P2RX5: variants seen among roughly 807,000 people sequenced by gnomAD.
P2RX5 encodes P2X purinoceptor 5.
Under a neutral mutation model 54.1 loss-of-function variants are expected in P2RX5, and 46 were observed. The ratio of observed to expected loss-of-function variants is 0.85; its 90% CI spans 0.67 to 1.09. The LOEUF is 1.09. Ranked by LOEUF, P2RX5 falls within the 50% of genes least tolerant of loss-of-function variation. P2RX5 has a pLI of 0.00. For missense variants in P2RX5, 566 were observed against 549.8 expected, an observed-to-expected ratio of 1.03 and a Z score of -0.29; for synonymous variants, 226 against 226.4, an observed-to-expected ratio of 1.00 and a Z score of 0.02.
the P2RX5 span, among the ~76,000 whole-genome samples, chr17:3,705,960 A>AT: frequency 6.7e-4 from 95 of 141,986 alleles, no homozygotes; most frequent in East Asian, 8.0e-3. Context: ...CACCTGGATA[A>AT]TTTTTTTTTT....
chr17:3,712,040 G>A, the P2RX5 span, among the ~76,000 whole-genome samples: 1 of 152,048 alleles, frequency 6.6e-6, no homozygotes, highest in Non-Finnish European at 1.5e-5. Context: ...ATGGAAGTGG[G>A]GTCTTATTTG....
At chr17:3,689,888 A>G (rs1236603564) in intron 6 of P2RX5, among the ~76,000 whole-genome samples, 182 bp downstream of exon 6, 3 of 149,690 alleles carry the variant, frequency 2.0e-5, no homozygotes, top group African/African-American at 5.1e-5. Flanking sequence ...ACGCACACAC[A>G]CAAACGCACG....
Position 3,690,082 on chromosome 17 carries a change from A to C in P2RX5, c.602T>G (p.Phe201Cys), listed in dbSNP as rs1373657986. 3.1e-6 allele frequency: 5 copies of C among 1,614,010 alleles called. No individual in the cohort carries two copies. The Admixed American group carries it at 8.3e-5, about 27-fold the overall frequency. Residue 201 changes from phenylalanine (F) to cysteine (C), a missense_variant, in exon 6 of 12, where the codon TTC becomes TGC. Phe to Cys is a radical substitution (Grantham distance 205). Coordinates refer to ENST00000225328, the MANE Select transcript of P2RX5 (RefSeq NM_002561.4). Reference protein sequence around the residue: ...FIKNHIRFPKFNFSKSNVMDV... With the variant: ...FIKNHIRFPKCNFSKSNVMDV... ...CAAGCCCACGTACTTGGAGAAGTTG[A>C]ATTTGGGGAAACGGATGTGGTTCTT...
At chr17:3,684,137 C>T (rs2050365472) in intron 9 of P2RX5, among the ~76,000 whole-genome samples, 2 of 152,270 alleles carry the variant, frequency 1.3e-5, no homozygotes, top group African/African-American at 4.8e-5. Context: ...CCCCTGTGAG[C>T]CGCTCCCGGC....
upstream of P2RX5, among the ~76,000 whole-genome samples, chr17:3,696,776 C>T (rs1190640184): frequency 6.6e-6 from 1 of 152,198 alleles, no homozygotes; most frequent in Non-Finnish European, 1.5e-5. Flanking sequence ...TCCCCTTTCT[C>T]TCGCAAAGAA....
At chr17:3,695,457 C>A (rs922466768) in intron 1 of P2RX5, among the ~76,000 whole-genome samples, 8 of 152,142 alleles carry the variant, frequency 5.3e-5, no homozygotes, top group Admixed American at 5.2e-4. Flanking sequence ...TATAAATAAC[C>A]TGCCGGCGCC....
chr17:3,678,340 G>T (rs1416415102), intron 11 of P2RX5, among the ~76,000 whole-genome samples: 1 of 152,256 alleles, frequency 6.6e-6, no homozygotes, highest in African/African-American at 2.4e-5. Context: ...GCCCCGGCAA[G>T]GAGTAGCAGC....
the P2RX5 span, among the ~76,000 whole-genome samples, chr17:3,703,843 G>A: frequency 6.6e-6 from 1 of 152,228 alleles, no homozygotes; most frequent in South Asian, 2.1e-4. Context: ...GCTCACGCCT[G>A]TAATCCCAGC....
chr17:3,674,111 G>C (rs959987074), intron 11 of P2RX5, among the ~76,000 whole-genome samples: 1 of 152,100 alleles, frequency 6.6e-6, no homozygotes, highest in Admixed American at 6.6e-5. Context: ...TCAGGAGATC[G>C]AGACCATCCT....
chr17:3,679,845 G>C (rs1176021106), intron 10 of P2RX5, 61 bp from the exon 11 acceptor site: 1 of 1,421,570 alleles, frequency 7.0e-7, no homozygotes, highest in Non-Finnish European at 9.8e-7. Flanking sequence ...CCTCCTAGAC[G>C]GGCGGAGTGG....
At chr17:3,708,313 C>T in the P2RX5 span, among the ~76,000 whole-genome samples, 1 of 152,122 alleles carries the variant, frequency 6.6e-6, no homozygotes, top group South Asian at 2.1e-4. Flanking sequence ...TCAAATCACC[C>T]TTACTTGCCC....
chr17:3,713,969 C>G, the P2RX5 span, among the ~76,000 whole-genome samples: 1 of 151,550 alleles, frequency 6.6e-6, no homozygotes, highest in Non-Finnish European at 1.5e-5. Context: ...GCTCTTTTGC[C>G]CAGGCTGGAG....
chr17:3,678,881 G>A (rs879861434), intron 11 of P2RX5, among the ~76,000 whole-genome samples: 15 of 152,324 alleles, frequency 9.8e-5, no homozygotes, highest in Admixed American at 2.0e-4. Flanking sequence ...CAAGGCAGAC[G>A]CAGAGCAGGC....
chr17:3,681,855 C>T (rs780616666), intron 10 of P2RX5, 41 bp downstream of exon 10: 1 of 1,388,150 alleles, frequency 7.2e-7, no homozygotes, highest in South Asian at 1.2e-5. Context: ...GGGTGCTCCA[C>T]AGGGCTGCCC....
At chr17:3,701,757 T>G in the P2RX5 span, among the ~76,000 whole-genome samples, 39 of 118,388 alleles carry the variant, frequency 3.3e-4, no homozygotes, top group African/African-American at 6.5e-4. Context: ...TTTTTTTTTT[T>G]TTTGTTTTTT....
At chr17:3,715,146 A>T in the P2RX5 span, among the ~76,000 whole-genome samples, 39 of 151,964 alleles carry the variant, frequency 2.6e-4, no homozygotes, top group African/African-American at 8.2e-4. Context: ...ATCAGAACTG[A>T]CTCCACCTTC....
At chr17:3,712,867 C>T in the P2RX5 span, among the ~76,000 whole-genome samples, 12 of 151,890 alleles carry the variant, frequency 7.9e-5, no homozygotes, top group South Asian at 1.5e-3. Flanking sequence ...TGCTGGAACC[C>T]GGGAGGCGGA....
chr17:3,681,835 G>A (rs765665036), intron 10 of P2RX5, 61 bp downstream of exon 10: 8 of 1,155,438 alleles, frequency 6.9e-6, no homozygotes, highest in Admixed American at 3.4e-5. Context: ...GCAAAGGCTC[G>A]AAGCCACGGG....
chr17:3,716,940 C>A, the P2RX5 span: 1 of 591,844 alleles, frequency 1.7e-6, no homozygotes. Context: ...AAGCAAAAAG[C>A]TAGATATTCC....
Sources: allele counts gnomAD v4.1 joint callset (sites outside exome capture counted in the v4.1 genomes callset), GRCh38; gene constraint gnomAD v4.1.1; transcripts MANE v1.5; gene names NCBI Gene and HGNC (gene_info 2026-07-23, HGNC 2026-07-21).